The following AMZ1 variants were observed in gnomAD, a reference collection of about 807,000 sequenced individuals.
AMZ1 encodes archaemetzincin-1.
A neutral mutation model predicts 29.9 loss-of-function variants in AMZ1; 39 were observed. The ratio of observed to expected loss-of-function variants is 1.30; its 90% CI spans 1.01 to 1.70. The LOEUF is 1.70. AMZ1 is among the 40% of genes most tolerant of loss of function. The pLI is 0.00. For synonymous variants in AMZ1, 458 were observed against 304.0 expected (o/e 1.51, Z -5.27); for missense variants, 1,041 against 680.6 (o/e 1.53, Z -5.89).
chr7:2,710,139 A>C (rs916988424), intron 6 of AMZ1, among the ~76,000 whole-genome samples: 3 of 152,138 alleles, frequency 2.0e-5, no homozygotes, highest in Non-Finnish European at 2.9e-5. Context: ...CGGTCTTCCC[A>C]GGGTAACTTT....
chr7:2,712,276 T>C (rs1788829756), intron 6 of AMZ1, 54 bp from the exon 7 acceptor site: 3 of 1,492,630 alleles, frequency 2.0e-6, no homozygotes, highest in Non-Finnish European at 8.9e-7. Flanking sequence ...GGCAGTTCCC[T>C]GGCTAGACAA....
At chr7:2,684,343 G>A (rs897397321), upstream of AMZ1, among the ~76,000 whole-genome samples, 9 of 152,084 alleles carry the variant, frequency 5.9e-5, no homozygotes, top group African/African-American at 2.2e-4. Flanking sequence ...GCAACGACTC[G>A]GTTTCCAAAT....
At position 2,713,155 on chromosome 7, in the gene AMZ1, T is replaced by G; in HGVS notation, c.*277T>G. On this transcript the variant is annotated 3_prime_UTR_variant, in exon 7 of 7. Transcript: ENST00000683327. The stretch of plus-strand genomic sequence containing the variant: ...TATTCAGGAGGCTGAGGTGGGAGGA[T>G]TGCTTGAGCCTAGGAGGTCGAGGCT... 1 of 303,120 alleles carries G rather than the reference T, an allele frequency of 3.3e-6. No homozygotes were observed. Among genetic ancestry groups the G allele is most frequent in the Non-Finnish European group, 6.0e-6 (1 of 166,218 alleles). 18.8% of individuals were successfully genotyped at this position (303,120 alleles called of 1,614,324 possible).
upstream of AMZ1, among the ~76,000 whole-genome samples, chr7:2,684,908 C>G (rs1255058782): frequency 1.4e-5 from 2 of 145,688 alleles, no homozygotes; most frequent in Non-Finnish European, 3.0e-5. Flanking sequence ...GAGTCTCTGT[C>G]GCCCAGGCTG....
intron 4 of AMZ1, 52 bp from the exon 5 acceptor site, chr7:2,709,023 C>A: frequency 6.6e-7 from 1 of 1,518,228 alleles, no homozygotes; most frequent in South Asian, 1.3e-5. Context: ...CGGTGGGCCC[C>A]CCAGAGCCAA....
In AMZ1 at chr7:2,713,820, A is replaced by G. The variant is rs1788956258; in HGVS notation, c.*942A>G. ...CTACAGCTCACCGTGGGGAAGATCA[A>G]CTGTGGTGATGTTTTTGGGACAGTT... On this transcript the variant is annotated 3_prime_UTR_variant, in exon 7 of 7. Coordinates refer to ENST00000683327, the MANE Select transcript of AMZ1 (RefSeq NM_001384743.1). The G allele has an allele frequency of 6.6e-6, 1 of 152,332 alleles. No homozygotes were observed. The highest frequency in any genetic ancestry group is 2.4e-5 in the African/African-American group (1 of 41,444). 9.4% of individuals were successfully genotyped at this position (152,332 alleles called of 1,614,324 possible). A position where few individuals can be genotyped will look rare whatever the true frequency, so the allele number is the denominator to read the frequency against.
chr7:2,689,442 C>A (rs371712668), intron 1 of AMZ1, among the ~76,000 whole-genome samples: 2 of 152,028 alleles, frequency 1.3e-5, no homozygotes, highest in African/African-American at 2.4e-5. Context: ...GAAGGAGAAG[C>A]GTCTGAGTTT....
intron 1 of AMZ1, among the ~76,000 whole-genome samples, chr7:2,690,837 T>C (rs1787343550): frequency 6.6e-6 from 1 of 152,100 alleles, no homozygotes. Flanking sequence ...TGTGAACTTT[T>C]GGTAAAAAGA....
In AMZ1 at chr7:2,709,155, G is replaced by C. The variant is rs374537415; in HGVS notation, c.682G>C (p.Glu228Gln). 3.8e-6 allele frequency: 6 copies of C among 1,581,688 alleles called. No homozygotes were observed. The African/African-American group carries it at 6.8e-5, about 18-fold the overall frequency. Residue 228 changes from glutamate to glutamine, a missense_variant, in exon 5 of 7, where the codon GAG becomes CAG. Glu to Gln is a conservative substitution (Grantham distance 29, BLOSUM62 2). Transcript: ENST00000683327. ...GPSAPDLALV[E>Q]AAADGPEAPL... is the part of the protein sequence containing the mutation. ...CAGCGCCCCTGATCTGGCCCTGGTA[G>C]AGGCAGCAGCAGACGGCCCCGAGGC...
At chr7:2,740,336 C>G (rs975329459) in intron 4 of AMZ1, among the ~76,000 whole-genome samples, 1 of 152,054 alleles carries the variant, frequency 6.6e-6, no homozygotes, top group Admixed American at 6.5e-5. Flanking sequence ...AGGTAGGGAC[C>G]TCATGATACG....
intron 1 of AMZ1, among the ~76,000 whole-genome samples, chr7:2,688,658 C>G (rs6943968): frequency 2.6e-5 from 4 of 152,018 alleles, no homozygotes; most frequent in Non-Finnish European, 5.9e-5. Flanking sequence ...GCCAAGCGCC[C>G]GAAAGAAGGC....
rs775332053 is a variant in AMZ1 at position 2,709,088 on chromosome 7, C to T, written c.615C>T (p.Cys205=). Reference sequence around the variant, plus strand: ...ATCTCTCTCCAGAAGTGGGCGTCTGCAGCTTCGCCCGGTTCTCAGGGGAAT... The same window carrying T: ...ATCTCTCTCCAGAAGTGGGCGTCTGTAGCTTCGCCCGGTTCTCAGGGGAAT... ...KFLPGHEVGV[C]SFARFSGEFP... Residue 205 remains cysteine, a synonymous_variant, in exon 5 of 7, where the codon TGC becomes TGT. Transcript: ENST00000683327. 16 of 1,593,900 alleles carry T rather than the reference C, an allele frequency of 1.0e-5. No individual in the cohort carries two copies. The highest frequency in any genetic ancestry group is 1.3e-5 in the Non-Finnish European group (15 of 1,169,970).
At chr7:2,690,923 T>C (rs979461473) in intron 1 of AMZ1, among the ~76,000 whole-genome samples, 1 of 151,476 alleles carries the variant, frequency 6.6e-6, no homozygotes, top group Non-Finnish European at 1.5e-5. Context: ...GGCAGACCAC[T>C]TGAGGCCAGG....
chr7:2,693,557 G>A (rs1787531987), intron 1 of AMZ1, among the ~76,000 whole-genome samples: 1 of 151,674 alleles, frequency 6.6e-6, no homozygotes, highest in Non-Finnish European at 1.5e-5. Context: ...TTTTTGTTTT[G>A]TTTTGTTTTG....
chr7:2,679,582 AC>A (rs1786812262), exon 1 of AMZ1: 1 of 152,328 alleles, frequency 6.6e-6, no homozygotes, highest in Admixed American at 6.5e-5. Flanking sequence ...GGTGGGCTGG[AC>A]TTTGCACTAG....
intron 4 of AMZ1, among the ~76,000 whole-genome samples, chr7:2,726,470 C>G (rs798537): frequency 6.6e-6 from 1 of 152,140 alleles, no homozygotes; most frequent in South Asian, 2.1e-4. Context: ...GCACACTGCC[C>G]GGGTGAGAGC....
intron 4 of AMZ1, among the ~76,000 whole-genome samples, chr7:2,726,184 G>A (rs1289792386): frequency 6.6e-6 from 1 of 152,228 alleles, no homozygotes. Flanking sequence ...TGTGCGTGAG[G>A]AAAGATTAGC....
At chr7:2,751,945 G>A (rs1392189836) in intron 4 of AMZ1, among the ~76,000 whole-genome samples, 2 of 152,036 alleles carry the variant, frequency 1.3e-5, no homozygotes, top group Admixed American at 6.6e-5. Flanking sequence ...TAACACTAAC[G>A]AACGTGAACT....
At position 2,705,570 on chromosome 7, in the gene AMZ1, C is replaced by A. The variant is rs557711143; in HGVS notation, c.472+2681C>A. On this transcript the variant is annotated intron_variant, in intron 3 of 6. Coordinates refer to ENST00000683327, the MANE Select transcript of AMZ1 (RefSeq NM_001384743.1). ...ATCGTGGGTGTTGGAAGCAGCTGTT[C>A]TTTATCATTCACTCTGCCTGTCTGG... Among the ~76,000 whole-genome samples, 6 of 152,322 alleles carry A rather than the reference C, an allele frequency of 3.9e-5. No individual in the cohort carries two copies. The East Asian group carries it at 1.2e-3, about 29-fold the overall frequency.
Sources: allele counts gnomAD v4.1 joint callset (sites outside exome capture counted in the v4.1 genomes callset), GRCh38; gene constraint gnomAD v4.1.1; transcripts MANE v1.5; gene names NCBI Gene and HGNC (gene_info 2026-07-23, HGNC 2026-07-21).